CNR2: variants seen among roughly 807,000 people sequenced by gnomAD.
CNR2 encodes cannabinoid receptor 2, also known as cannabinoid receptor 2 (macrophage).
For missense variants in CNR2, 379 were observed against 439.9 expected (o/e 0.86, Z 1.24); for synonymous variants, 172 against 182.2 (o/e 0.94, Z 0.45).
chr1:23,891,446 C>T (rs1396495532), intron 1 of CNR2, among the ~76,000 whole-genome samples: 1 of 151,762 alleles, frequency 6.6e-6, no homozygotes, highest in Non-Finnish European at 1.5e-5. Flanking sequence ...TGGTGAAACC[C>T]CACCTCTACT....
intron 1 of CNR2, among the ~76,000 whole-genome samples, chr1:23,888,305 A>T (rs940119679): frequency 6.6e-5 from 10 of 152,246 alleles, no homozygotes; most frequent in African/African-American, 2.2e-4. Context: ...TCATCAGGTG[A>T]CTTTGGGCAA....
chr1:23,885,071 G>GT (rs1302108639), intron 1 of CNR2, among the ~76,000 whole-genome samples: 2 of 151,832 alleles, frequency 1.3e-5, no homozygotes, highest in East Asian at 3.9e-4. Context: ...AAATGCTGGG[G>GT]TTACAGGCAT....
chr1:23,910,198 C>T (rs993961323), intron 1 of CNR2, among the ~76,000 whole-genome samples: 2 of 141,732 alleles, frequency 1.4e-5, no homozygotes, highest in Non-Finnish European at 3.0e-5. Flanking sequence ...TGAGCTCAAG[C>T]TATCCTCCTG....
intron 1 of CNR2, among the ~76,000 whole-genome samples, chr1:23,901,276 C>T (rs1185410421): frequency 2.0e-5 from 3 of 152,088 alleles, no homozygotes; most frequent in Non-Finnish European, 4.4e-5. Context: ...CCCAGTGTAC[C>T]AGAGATGCCT....
At chr1:23,907,408 CAAA>C (rs58616828) in intron 1 of CNR2, among the ~76,000 whole-genome samples, 16 of 98,256 alleles carry the variant, frequency 1.6e-4, no homozygotes, top group Non-Finnish European at 1.7e-4. Context: ...GACCTTGTCT[CAAA>C]AAAAAAAAAA....
chr1:23,893,731 T>C (rs1439884347), intron 1 of CNR2, among the ~76,000 whole-genome samples: 1 of 152,220 alleles, frequency 6.6e-6, no homozygotes, highest in Non-Finnish European at 1.5e-5. Context: ...GCTAGCACTT[T>C]CTACACATTA....
chr1:23,909,395 G>A (rs1171671233), intron 1 of CNR2, among the ~76,000 whole-genome samples: 1 of 152,138 alleles, frequency 6.6e-6, no homozygotes, highest in African/African-American at 2.4e-5. Context: ...AGCATAGCTG[G>A]GGACCGAGAG....
chr1:23,898,701 G>A (rs1640332611), intron 1 of CNR2, among the ~76,000 whole-genome samples: 1 of 129,718 alleles, frequency 7.7e-6, no homozygotes, highest in African/African-American at 3.0e-5. Context: ...TGCCCAGGCT[G>A]GAGTGCAGTG....
chr1:23,875,515 C>T lies in CNR2; in HGVS notation c.103G>A (p.Ala35Thr). ...YMILSGPQKT[A>T]VAVLCTLLGL... Reference sequence around the variant, plus strand: ...AGAAGAGTGCACAACACAGCAACAGCTGTCTTCTGGGGACCACTCAGGATC... The same window carrying T: ...AGAAGAGTGCACAACACAGCAACAGTTGTCTTCTGGGGACCACTCAGGATC... The change falls in exon 2 of 2, where the codon GCT becomes ACT. Residue 35 changes from alanine to threonine, a missense_variant. Physicochemically the swap from Ala to Thr is moderately conservative, Grantham distance 58 (BLOSUM62 0). Transcript: ENST00000374472. The T allele has an allele frequency of 6.2e-7, 1 of 1,614,162 alleles. No individual in the cohort carries two copies. Among genetic ancestry groups the T allele is most frequent in the Non-Finnish European group, 8.5e-7 (1 of 1,180,032 alleles).
chr1:23,895,181 A>G (rs1294539497), intron 1 of CNR2, among the ~76,000 whole-genome samples: 1 of 49,416 alleles, frequency 2.0e-5, no homozygotes, highest in Non-Finnish European at 4.4e-5. Flanking sequence ...AGGTCACGCC[A>G]CTGTGCTCCA....
In CNR2 at chr1:23,875,583, C is replaced by G; in HGVS notation, c.35G>C (p.Gly12Ala). 1 of 1,610,446 alleles carries G rather than the reference C, an allele frequency of 6.2e-7. No individual in the cohort carries two copies. Among genetic ancestry groups the G allele is most frequent in the Non-Finnish European group, 8.5e-7 (1 of 1,177,544 alleles). Residue 12 changes from glycine to alanine, a missense_variant, in exon 2 of 2, where the codon GGC (glycine) becomes GCC (alanine). Physicochemically the swap from Gly to Ala is moderately conservative, Grantham distance 60. Coordinates refer to ENST00000374472, the MANE Select transcript of CNR2 (RefSeq NM_001841.3). ...EECWVTEIAN[G>A]SKDGLDSNPM... ...GTTGGAATCCAAGCCATCCTTGGAG[C>G]CATTGGCTATCTCTGTCACCCAGCA...
rs1570699202 is a variant in CNR2 at position 23,875,526 on chromosome 1, G to A, written c.92C>T (p.Pro31Leu). ...PMKDYMILSG[P>L]QKTAVAVLCT... ...CAACACAGCAACAGCTGTCTTCTGGGGACCACTCAGGATCATGTAATCCTT... is the reference window on the plus strand; with the variant it reads ...CAACACAGCAACAGCTGTCTTCTGGAGACCACTCAGGATCATGTAATCCTT... Residue 31 changes from proline (P) to leucine (L), a missense_variant, in exon 2 of 2, where the codon CCC (proline) becomes CTC (leucine). Transcript: ENST00000374472. 2 of 1,614,068 alleles carry A rather than the reference G, an allele frequency of 1.2e-6. No individual in the cohort carries two copies. Among genetic ancestry groups the A allele is most frequent in the Non-Finnish European group, 1.7e-6 (2 of 1,180,018 alleles).
intron 1 of CNR2, among the ~76,000 whole-genome samples, chr1:23,909,807 G>A: frequency 6.6e-6 from 1 of 152,068 alleles, no homozygotes; most frequent in Non-Finnish European, 1.5e-5. Flanking sequence ...GAGTCCCCGA[G>A]CCTGCCCTGC....
intron 1 of CNR2, among the ~76,000 whole-genome samples, chr1:23,890,271 A>AAAG (rs1553141218): frequency 7.2e-6 from 1 of 139,436 alleles, no homozygotes; most frequent in African/African-American, 2.6e-5. Flanking sequence ...AAAAAAAAAA[A>AAAG]AAAGAAAAGA....
chr1:23,911,877 T>C (rs528652248), intron 1 of CNR2, among the ~76,000 whole-genome samples: 1 of 152,268 alleles, frequency 6.6e-6, no homozygotes, highest in South Asian at 2.1e-4. Flanking sequence ...GGACTCCACC[T>C]CCTGAGCTCT....
At position 23,875,542 on chromosome 1, in the gene CNR2, T is replaced by C; in HGVS notation, c.76A>G (p.Met26Val). 6.2e-7 allele frequency: 1 copy of C among 1,614,098 alleles called. No homozygotes were observed. The highest frequency in any genetic ancestry group is 8.5e-7 in the Non-Finnish European group (1 of 1,180,018). ...GLDSNPMKDY[M>V]ILSGPQKTAV... is the part of the protein sequence containing the mutation. The stretch of plus-strand genomic sequence containing the variant: ...GTCTTCTGGGGACCACTCAGGATCA[T>C]GTAATCCTTCATAGGGTTGGAATCC... Residue 26 changes from methionine to valine, a missense_variant, in exon 2 of 2, where the codon ATG (methionine) becomes GTG (valine). Transcript: ENST00000374472.
At chr1:23,906,452 T>C (rs2148471251) in intron 1 of CNR2, among the ~76,000 whole-genome samples, 1 of 152,202 alleles carries the variant, frequency 6.6e-6, no homozygotes, top group South Asian at 2.1e-4. Context: ...AAGGAAGTGA[T>C]TTTAAATAAA....
intron 1 of CNR2, among the ~76,000 whole-genome samples, chr1:23,911,810 T>G (rs1463224755): frequency 1.3e-5 from 2 of 152,092 alleles, no homozygotes; most frequent in Non-Finnish European, 2.9e-5. Context: ...CAGCGCAGGT[T>G]AGGGGGTCAC....
chr1:23,909,156 C>G (rs1280598371), intron 1 of CNR2, among the ~76,000 whole-genome samples: 1 of 152,112 alleles, frequency 6.6e-6, no homozygotes, highest in Non-Finnish European at 1.5e-5. Context: ...CTGGGGAATC[C>G]TTCCCTCCCT....
Sources: allele counts gnomAD v4.1 joint callset (sites outside exome capture counted in the v4.1 genomes callset), GRCh38; gene constraint gnomAD v4.1.1; transcripts MANE v1.5; gene names NCBI Gene and HGNC (gene_info 2026-07-23, HGNC 2026-07-21).